VEPH1: variants seen among roughly 807,000 people sequenced by gnomAD.
The protein encoded by VEPH1 is ventricular zone expressed PH domain containing 1.
VEPH1 carries 80 observed loss-of-function variants against 85.2 expected under a neutral mutation model. The observed-to-expected ratio is 0.94, with a 90% CI of 0.78 to 1.13. The LOEUF is 1.13. VEPH1 is among the 50% of genes most tolerant of loss of function. The pLI is 0.00. For missense variants in VEPH1, 955 were observed against 980.5 expected, an observed-to-expected ratio of 0.97 and a Z score of 0.35; for synonymous variants, 297 against 348.0, an observed-to-expected ratio of 0.85 and a Z score of 1.63.
At chr3:157,482,924 T>C (rs1043864998) in intron 2 of VEPH1, among the ~76,000 whole-genome samples, 7 of 152,130 alleles carry the variant, frequency 4.6e-5, no homozygotes, top group African/African-American at 1.4e-4. Flanking sequence ...ATAAATTATG[T>C]TTTCAGGGAG....
chr3:157,281,593 A>G (rs1314038520), intron 12 of VEPH1, among the ~76,000 whole-genome samples: 5 of 151,202 alleles, frequency 3.3e-5, no homozygotes, highest in African/African-American at 1.2e-4. Flanking sequence ...GCTGGAGTGC[A>G]GTGGCATGAT....
intron 5 of VEPH1, among the ~76,000 whole-genome samples, chr3:157,424,795 GT>G (rs1409295336): frequency 6.6e-6 from 1 of 152,174 alleles, no homozygotes; most frequent in African/African-American, 2.4e-5. Context: ...AGGACATTCA[GT>G]TTTATAAGGG....
chr3:157,463,697 G>A (rs966825524), intron 3 of VEPH1, among the ~76,000 whole-genome samples: 1 of 152,132 alleles, frequency 6.6e-6, no homozygotes, highest in Non-Finnish European at 1.5e-5. Context: ...TCACACCAAA[G>A]GATTTCCAAA....
chr3:157,273,025 G>C (rs184826183), intron 12 of VEPH1, among the ~76,000 whole-genome samples: 1 of 152,322 alleles, frequency 6.6e-6, no homozygotes, highest in African/African-American at 2.4e-5. Flanking sequence ...AAAGGAGTTA[G>C]AGGGGGAAAA....
chr3:157,364,858 T>TA (rs1412514692), intron 7 of VEPH1, among the ~76,000 whole-genome samples: 1 of 152,230 alleles, frequency 6.6e-6, no homozygotes, highest in East Asian at 1.9e-4. Context: ...AGATATTTTC[T>TA]AAAAAATTTA....
At chr3:157,369,331 G>A (rs998770534) in intron 7 of VEPH1, among the ~76,000 whole-genome samples, 2 of 152,064 alleles carry the variant, frequency 1.3e-5, no homozygotes, top group African/African-American at 4.8e-5. Flanking sequence ...AAGAGTAGAG[G>A]CAAAAAGAGT....
chr3:157,307,492 A>T (rs1224179678), intron 11 of VEPH1, among the ~76,000 whole-genome samples: 1 of 151,992 alleles, frequency 6.6e-6, no homozygotes, highest in Non-Finnish European at 1.5e-5. Context: ...ATGTCCTTAC[A>T]TTATTTAAAA....
chr3:157,335,116 CA>C (rs1322273323), intron 9 of VEPH1, among the ~76,000 whole-genome samples: 1 of 152,016 alleles, frequency 6.6e-6, no homozygotes, highest in Admixed American at 6.6e-5. Flanking sequence ...AAATTATCTC[CA>C]AAAAGCTGCT....
At chr3:157,410,426 C>T (rs1156983810) in intron 6 of VEPH1, among the ~76,000 whole-genome samples, 9 of 152,116 alleles carry the variant, frequency 5.9e-5, no homozygotes, top group Non-Finnish European at 1.5e-5. Context: ...CCTTCATGCC[C>T]ACCTCTCAAT....
chr3:157,472,711 CCT>C (rs941600219), intron 2 of VEPH1, among the ~76,000 whole-genome samples: 3 of 152,140 alleles, frequency 2.0e-5, no homozygotes, highest in Non-Finnish European at 4.4e-5. Context: ...GTGTTGTTCC[CCT>C]CTGTGTGTCC....
rs1163858781 is a variant in VEPH1 at position 157,460,472 on chromosome 3, A to G, written c.355-117T>C. On this transcript the variant is annotated intron_variant, in intron 3 of 13. Transcript: ENST00000362010. The stretch of plus-strand genomic sequence containing the variant: ...GCTACCAGAGTACAGCTGTGAAAAC[A>G]CAGGCCTTGCCCTGTTTATATTGTA... The G allele has an allele frequency of 4.6e-6, 6 of 1,291,350 alleles. No homozygotes were observed. The African/African-American group carries it at 9.0e-5, about 19-fold the overall frequency. The allele number at this position is 1,291,350 out of a possible 1,614,324, so 80.0% of individuals were successfully genotyped here.
chr3:157,418,107 G>A (rs1732056258), intron 5 of VEPH1, among the ~76,000 whole-genome samples: 1 of 152,156 alleles, frequency 6.6e-6, no homozygotes, highest in African/African-American at 2.4e-5. Flanking sequence ...TCTGGAAGCA[G>A]GTTTGAGATA....
At chr3:157,399,682 A>G (rs945023835) in intron 6 of VEPH1, among the ~76,000 whole-genome samples, 1 of 152,192 alleles carries the variant, frequency 6.6e-6, no homozygotes, top group Non-Finnish European at 1.5e-5. Context: ...TTTTAGCCTT[A>G]AAATATTAGC....
intron 6 of VEPH1, 82 bp downstream of exon 6, chr3:157,413,799 T>C (rs1731698746): frequency 4.1e-6 from 6 of 1,470,842 alleles, no homozygotes; most frequent in Non-Finnish European, 5.5e-6. Flanking sequence ...AATTTGCACG[T>C]CATAATAATC....
At chr3:157,370,060 T>G (rs1727313140) in intron 7 of VEPH1, among the ~76,000 whole-genome samples, 1 of 152,166 alleles carries the variant, frequency 6.6e-6, no homozygotes, top group Non-Finnish European at 1.5e-5. Flanking sequence ...TGGCCTTAAC[T>G]CAACACACCA....
chr3:157,476,043 A>G (rs939586088), intron 2 of VEPH1, among the ~76,000 whole-genome samples: 1 of 152,228 alleles, frequency 6.6e-6, no homozygotes, highest in Non-Finnish European at 1.5e-5. Context: ...AAGCAGAGGG[A>G]ATGACTCAGC....
intron 9 of VEPH1, among the ~76,000 whole-genome samples, chr3:157,323,920 GT>G (rs1196076760): frequency 6.6e-6 from 1 of 152,130 alleles, no homozygotes; most frequent in East Asian, 1.9e-4. Context: ...TGGGAGTGGG[GT>G]GAGGAGCATG....
chr3:157,376,502 T>C (rs1728124050), intron 7 of VEPH1, among the ~76,000 whole-genome samples: 1 of 152,228 alleles, frequency 6.6e-6, no homozygotes, highest in Non-Finnish European at 1.5e-5. Context: ...CACCTTCTCC[T>C]TTGCAATGCA....
At chr3:157,324,541 T>C (rs1721687189) in intron 9 of VEPH1, among the ~76,000 whole-genome samples, 1 of 152,158 alleles carries the variant, frequency 6.6e-6, no homozygotes, top group Non-Finnish European at 1.5e-5. Flanking sequence ...TCCCTCTATG[T>C]GTTCTCATAA....
Sources: allele counts gnomAD v4.1 joint callset (sites outside exome capture counted in the v4.1 genomes callset), GRCh38; gene constraint gnomAD v4.1.1; transcripts MANE v1.5; gene names NCBI Gene and HGNC (gene_info 2026-07-23, HGNC 2026-07-21).